ZBTB46: variants seen among roughly 807,000 people sequenced by gnomAD.
The protein encoded by ZBTB46 is zinc finger and BTB domain containing 46.
Under a neutral mutation model 44.1 loss-of-function variants are expected in ZBTB46, and 8 were observed. The observed-to-expected ratio is 0.18, with a 90% CI of 0.11 to 0.33. The LOEUF (loss-of-function observed/expected upper bound fraction) is 0.33, where lower values mean the gene tolerates loss of function less well. Among genes scored for constraint, ZBTB46 ranks in the 10% least tolerant of loss-of-function variants. The pLI, the probability that ZBTB46 is intolerant of heterozygous loss-of-function variation, is 1.00. For missense variants in ZBTB46, 651 were observed against 847.7 expected, an observed-to-expected ratio of 0.77 and a Z score of 2.88; for synonymous variants, 409 against 382.3, an observed-to-expected ratio of 1.07 and a Z score of -0.81.
chr20:63,806,355 C>T (rs1336391540), intron 1 of ZBTB46, among the ~76,000 whole-genome samples: 1 of 143,862 alleles, frequency 7.0e-6, no homozygotes, highest in South Asian at 2.2e-4. Context: ...TGCAGTGAGC[C>T]GAGAACATAT....
chr20:63,799,626 G>A (rs1481677770), intron 1 of ZBTB46, among the ~76,000 whole-genome samples: 1 of 152,216 alleles, frequency 6.6e-6, no homozygotes, highest in Non-Finnish European at 1.5e-5. Flanking sequence ...GGGATTACAG[G>A]CACAAGCCAC....
At chr20:63,757,131 T>C (rs2092227737) in intron 3 of ZBTB46, among the ~76,000 whole-genome samples, 1 of 152,110 alleles carries the variant, frequency 6.6e-6, no homozygotes, top group South Asian at 2.1e-4. Context: ...GATTCCCTAT[T>C]TTTGGGGAGG....
At chr20:63,795,662 G>A (rs980967486) in intron 1 of ZBTB46, among the ~76,000 whole-genome samples, 1 of 152,196 alleles carries the variant, frequency 6.6e-6, no homozygotes, top group African/African-American at 2.4e-5. Flanking sequence ...CCATCGTGCC[G>A]TCCTGTGCTG....
Position 63,803,399 on chromosome 20 carries a change from C to T in ZBTB46, c.-33-12609G>A. 1.0e-6 allele frequency: 1 copy of T among 985,468 alleles called. No homozygotes were observed. Among genetic ancestry groups the T allele is most frequent in the Non-Finnish European group, 1.2e-6 (1 of 829,936 alleles). 61.0% of individuals were successfully genotyped at this position (985,468 alleles called of 1,614,324 possible). Reference sequence around the variant, plus strand: ...CTCCTGACTAGAAAACACTCCAAGACATGTTAGCAGAGTCGTCTTTCGACA... The same window carrying T: ...CTCCTGACTAGAAAACACTCCAAGATATGTTAGCAGAGTCGTCTTTCGACA... On this transcript the variant is annotated intron_variant, in intron 1 of 4. Coordinates refer to ENST00000245663, the MANE Select transcript of ZBTB46 (RefSeq NM_001369741.1). This position sits in a 1 kb window ranked among gnomAD's most constrained non-coding sequence, Gnocchi z 4.0.
intron 3 of ZBTB46, among the ~76,000 whole-genome samples, chr20:63,763,500 A>C (rs2092294260): frequency 6.6e-6 from 1 of 152,186 alleles, no homozygotes; most frequent in South Asian, 2.1e-4. Context: ...CGAGCGTTTC[A>C]CAGGACAGGA....
upstream of ZBTB46, among the ~76,000 whole-genome samples, chr20:63,832,184 C>A (rs1385443965): frequency 2.0e-5 from 3 of 152,164 alleles, no homozygotes; most frequent in Non-Finnish European, 4.4e-5. The surrounding 1 kb of genome is among the most constrained non-coding windows in gnomAD (Gnocchi z 5.0). Flanking sequence ...GACGCGTCTC[C>A]ACCACTCGGC....
In ZBTB46 at chr20:63,752,641, G is replaced by A. The variant is rs768354759; in HGVS notation, c.1398+45C>T. 2 of 1,460,996 alleles carry A rather than the reference G, an allele frequency of 1.4e-6. No homozygotes were observed. The highest frequency in any genetic ancestry group is 9.1e-7 in the Non-Finnish European group (1 of 1,104,438). The allele number at this position is 1,460,996 out of a possible 1,614,324, so 90.5% of individuals were successfully genotyped here. On this transcript the variant is annotated intron_variant, in intron 4 of 4. Transcript: ENST00000245663. This position sits in a 1 kb window ranked among gnomAD's most constrained non-coding sequence, Gnocchi z 5.6. ...ATCAGGACCCGCCTGCCCGGACATC[G>A]TGGCCACGCGCAGCGCGCGGCACGC... is the stretch of plus-strand genomic sequence containing the variant.
chr20:63,794,242 T>G (rs1462483018), intron 1 of ZBTB46, among the ~76,000 whole-genome samples: 2 of 151,976 alleles, frequency 1.3e-5, no homozygotes, highest in African/African-American at 4.8e-5. Context: ...GTAACAATCT[T>G]TTGCAGTGGC....
chr20:63,816,244 C>T, intron 1 of ZBTB46: 2 of 224,440 alleles, frequency 8.9e-6, no homozygotes, highest in South Asian at 8.8e-5. Flanking sequence ...AGTCCTGCTT[C>T]GGATTGGGAG....
chr20:63,798,685 A>AAACAAAAAAAAAAAAAAAAC (rs1555851217), intron 1 of ZBTB46, among the ~76,000 whole-genome samples: 2 of 127,954 alleles, frequency 1.6e-5, no homozygotes, highest in African/African-American at 6.4e-5. Flanking sequence ...AAAAAAAAAA[A>AAACAAAAAAAAAAAAAAAAC]AAAAAAAATT....
rs773708051 is a variant in ZBTB46 at position 63,790,785 on chromosome 20, C to T, written c.-28G>A. Reference sequence around the variant, plus strand: ...GGAAGCCCTGGTGTCGCCTCTTCTACAGACTCTGTGGAGGTAAGAACAAGA... The same window carrying T: ...GGAAGCCCTGGTGTCGCCTCTTCTATAGACTCTGTGGAGGTAAGAACAAGA... On this transcript the variant is annotated 5_prime_UTR_variant, in exon 2 of 5. Transcript: ENST00000245663. 2 of 1,569,016 alleles carry T rather than the reference C, an allele frequency of 1.3e-6. No individual in the cohort carries two copies. The highest frequency in any genetic ancestry group is 1.3e-5 in the African/African-American group (1 of 74,300).
chr20:63,790,904 G>A (rs983969523), intron 1 of ZBTB46, 114 bp from the exon 2 acceptor site: 24 of 1,393,784 alleles, frequency 1.7e-5, no homozygotes, highest in South Asian at 3.0e-5. Context: ...GTGGGAGGAC[G>A]ACCCACGCGA....
upstream of ZBTB46, among the ~76,000 whole-genome samples, chr20:63,832,372 G>T (rs964433124): frequency 1.3e-5 from 2 of 152,008 alleles, no homozygotes; most frequent in Admixed American, 6.5e-5. The surrounding 1 kb of genome is among the most constrained non-coding windows in gnomAD (Gnocchi z 5.0). Context: ...GCGCGAGGGA[G>T]TCGAGCCCGG....
Position 63,744,583 on chromosome 20 carries a change from A to AT in ZBTB46, c.*2346dup, listed in dbSNP as rs1491164706. ...ATCGATTTAAAAAAAAATCAGTCAC[A>AT]TAAAAAAAACCCTTCATGACATGTC... On this transcript the variant is annotated 3_prime_UTR_variant, in exon 5 of 5. Transcript: ENST00000245663. The AT allele has an allele frequency of 1.3e-5, 2 of 152,324 alleles. No homozygotes were observed. Among genetic ancestry groups the AT allele is most frequent in the Non-Finnish European group, 2.9e-5 (2 of 68,030 alleles). The allele number at this position is 152,324 out of a possible 1,614,324, so 9.4% of individuals were successfully genotyped here.
chr20:63,817,803 C>T (rs543463105), intron 1 of ZBTB46, among the ~76,000 whole-genome samples: 1 of 152,112 alleles, frequency 6.6e-6, no homozygotes, highest in South Asian at 2.1e-4. Flanking sequence ...GAGGCAGAGG[C>T]TGGAGCGAGG....
chr20:63,791,292 G>A (rs992587691), intron 1 of ZBTB46, among the ~76,000 whole-genome samples: 3 of 151,978 alleles, frequency 2.0e-5, no homozygotes, highest in Admixed American at 1.3e-4. Context: ...TCAGGAGATC[G>A]AGACCATCCT....
chr20:63,813,055 A>G (rs6062323), intron 1 of ZBTB46, among the ~76,000 whole-genome samples: 35,649 of 151,568 alleles, frequency 0.24, 4,290 homozygotes, highest in Middle Eastern at 0.32. Flanking sequence ...CCGAGATCGC[A>G]CCACTATACT....
At chr20:63,813,505 C>T (rs1051588597) in intron 1 of ZBTB46, among the ~76,000 whole-genome samples, 2 of 151,848 alleles carry the variant, frequency 1.3e-5, no homozygotes, top group African/African-American at 4.8e-5. Context: ...CCAATGTAAG[C>T]ATTGTGGCTA....
chr20:63,817,693 G>A (rs1480200638), intron 1 of ZBTB46, among the ~76,000 whole-genome samples: 2 of 148,370 alleles, frequency 1.3e-5, no homozygotes, highest in Non-Finnish European at 3.0e-5. Flanking sequence ...TCCAGCCTGG[G>A]CAGCAGAGTG....
Sources: allele counts gnomAD v4.1 joint callset (sites outside exome capture counted in the v4.1 genomes callset), GRCh38; gene constraint gnomAD v4.1.1; non-coding constraint Gnocchi (gnomAD v3.1); transcripts MANE v1.5; gene names NCBI Gene and HGNC (gene_info 2026-07-23, HGNC 2026-07-21).